Variants in FARS2 observed in about 807,000 individuals in gnomAD.
The protein encoded by FARS2 is phenylalanyl-tRNA synthetase 2, mitochondrial.
Under a neutral mutation model 46.4 loss-of-function variants are expected in FARS2, and 40 were observed. That is an observed-to-expected ratio of 0.86 (90% CI 0.67 to 1.12). The LOEUF (loss-of-function observed/expected upper bound fraction) is 1.12, where lower values mean the gene tolerates loss of function less well. Among genes scored for constraint, FARS2 ranks in the 50% most tolerant of loss-of-function variants. FARS2 has a pLI of 0.00. For synonymous variants in FARS2, 234 were observed against 214.9 expected (o/e 1.09, Z -0.78); for missense variants, 513 against 567.9 (o/e 0.90, Z 0.98).
chr6:5,331,115 A>G (rs1368263358), intron 1 of FARS2, among the ~76,000 whole-genome samples: 2 of 152,042 alleles, frequency 1.3e-5, no homozygotes, highest in East Asian at 1.9e-4. Flanking sequence ...AAAAAAAAAA[A>G]AAAAAAAGAT....
chr6:5,540,105 C>T (rs533985887), intron 4 of FARS2, among the ~76,000 whole-genome samples: 3 of 152,222 alleles, frequency 2.0e-5, no homozygotes, highest in South Asian at 4.1e-4. Flanking sequence ...GCAGTGCATG[C>T]GTGGGTCCGG....
chr6:5,686,932 T>G (rs1272330015), intron 6 of FARS2, among the ~76,000 whole-genome samples: 6 of 152,232 alleles, frequency 3.9e-5, no homozygotes, highest in Non-Finnish European at 7.3e-5. Context: ...TGGTTTTGAT[T>G]TGCATTTCTC....
chr6:5,571,622 G>T (rs1207535133), intron 5 of FARS2, among the ~76,000 whole-genome samples: 2 of 152,068 alleles, frequency 1.3e-5, no homozygotes, highest in Non-Finnish European at 2.9e-5. Context: ...CTAGCACCCG[G>T]CTGGGGTTCT....
intron 4 of FARS2, among the ~76,000 whole-genome samples, chr6:5,459,287 G>A (rs896671964): frequency 6.6e-6 from 1 of 152,090 alleles, no homozygotes; most frequent in African/African-American, 2.4e-5. Context: ...AAAAATGTTG[G>A]TATTTTCACA....
At chr6:5,434,618 A>T (rs748670513) in intron 4 of FARS2, among the ~76,000 whole-genome samples, 1 of 152,230 alleles carries the variant, frequency 6.6e-6, no homozygotes, top group Non-Finnish European at 1.5e-5. Context: ...AACCACAGAC[A>T]TTTGTAAGTG....
chr6:5,607,382 T>C (rs1413493874), intron 5 of FARS2, among the ~76,000 whole-genome samples: 1 of 151,442 alleles, frequency 6.6e-6, no homozygotes, highest in Admixed American at 6.6e-5. Flanking sequence ...GGGGAAAATA[T>C]TAGAATATTT....
At chr6:5,603,159 G>A (rs551033207) in intron 5 of FARS2, among the ~76,000 whole-genome samples, 4 of 152,210 alleles carry the variant, frequency 2.6e-5, no homozygotes, top group South Asian at 4.2e-4. Flanking sequence ...GCAGTGGTGC[G>A]ATCTCAGCTC....
chr6:5,686,209 AT>A (rs1161317532), intron 6 of FARS2, among the ~76,000 whole-genome samples: 60 of 123,720 alleles, frequency 4.8e-4, no homozygotes, highest in African/African-American at 1.8e-3. Context: ...ACTTTTTTTA[AT>A]TATTATTATA....
At chr6:5,489,290 C>G (rs906646407) in intron 4 of FARS2, among the ~76,000 whole-genome samples, 2 of 151,990 alleles carry the variant, frequency 1.3e-5, no homozygotes, top group African/African-American at 4.8e-5. Context: ...GCCGTCTCTG[C>G]TAAAAGTACA....
intron 4 of FARS2, among the ~76,000 whole-genome samples, chr6:5,477,786 A>G (rs1051058322): frequency 5.3e-5 from 8 of 152,230 alleles, no homozygotes; most frequent in African/African-American, 1.9e-4. Flanking sequence ...TGGGAGGCCA[A>G]GATGGGAGGA....
At position 5,350,305 on chromosome 6, in the gene FARS2, G is replaced by A. The variant is rs369415208; in HGVS notation, c.-21-18245G>A. Among the ~76,000 whole-genome samples, 57 of 151,838 alleles carry A rather than the reference G, an allele frequency of 3.8e-4. No individual in the cohort carries two copies. In the South Asian group the frequency reaches 9.4e-3, roughly 25 times the overall value. ...TTATAGGCATGAGCTACTGTGCCCA[G>A]CCCCAGCAAGATTTTTTTATACACA... is the stretch of plus-strand genomic sequence containing the variant. On this transcript the variant is annotated intron_variant, in intron 1 of 6. Coordinates refer to ENST00000274680, the MANE Select transcript of FARS2 (RefSeq NM_006567.5).
intron 6 of FARS2, among the ~76,000 whole-genome samples, chr6:5,751,723 T>C (rs187659813): frequency 3.3e-5 from 5 of 152,346 alleles, no homozygotes; most frequent in African/African-American, 1.2e-4. Context: ...TCTATGGCTC[T>C]GATTCCACAC....
rs139890540 is a variant in FARS2 at position 5,368,278 on chromosome 6, C to T, written c.-21-272C>T. On this transcript the variant is annotated intron_variant, in intron 1 of 6. Transcript: ENST00000274680. Reference sequence around the variant, plus strand: ...GTTCAGGACATGATAACATAATAAACGAGGTTTTCTACAAAGCCAAGGATC... The same window carrying T: ...GTTCAGGACATGATAACATAATAAATGAGGTTTTCTACAAAGCCAAGGATC... Among the ~76,000 whole-genome samples the T allele has an allele frequency of 3.9e-3, 595 of 152,198 alleles. 5 individuals are homozygous for T. The highest frequency in any genetic ancestry group is 0.014 in the African/African-American group (567 of 41,524).
chr6:5,519,704 C>T (rs541291495), intron 4 of FARS2, among the ~76,000 whole-genome samples: 1 of 152,238 alleles, frequency 6.6e-6, no homozygotes, highest in East Asian at 1.9e-4. Flanking sequence ...TGAGTCCAGT[C>T]CCCTGTGCGA....
intron 4 of FARS2, among the ~76,000 whole-genome samples, chr6:5,487,408 T>TCCTA (rs1280513941): frequency 8.5e-5 from 13 of 152,148 alleles, no homozygotes; most frequent in African/African-American, 2.9e-4. Context: ...GCACTACAAT[T>TCCTA]CCTAACATAT....
At chr6:5,458,595 T>C (rs868351925) in intron 4 of FARS2, among the ~76,000 whole-genome samples, 1 of 152,158 alleles carries the variant, frequency 6.6e-6, no homozygotes, top group Admixed American at 6.5e-5. Context: ...TGAGCAGTTA[T>C]ATAATCCACC....
At chr6:5,616,170 A>G (rs938930505) in intron 6 of FARS2, among the ~76,000 whole-genome samples, 1 of 152,054 alleles carries the variant, frequency 6.6e-6, no homozygotes, top group Admixed American at 6.6e-5. Flanking sequence ...GCCTTTAAAT[A>G]TATTTTGGAG....
chr6:5,454,217 A>T, intron 4 of FARS2, among the ~76,000 whole-genome samples: 1 of 142,736 alleles, frequency 7.0e-6, no homozygotes. Flanking sequence ...TTTTAGACCC[A>T]TGGACATGCC....
chr6:5,452,618 C>T (rs1488631026), intron 4 of FARS2: 1 of 152,268 alleles, frequency 6.6e-6, no homozygotes, highest in Non-Finnish European at 1.5e-5. Context: ...CACACCTAAC[C>T]TTTAGTGGGT....
Sources: gnomAD v4.1 joint callset for allele counts (sites outside exome capture counted in the v4.1 genomes callset) on GRCh38, gnomAD v4.1.1 for gene constraint, MANE v1.5 for transcripts, NCBI Gene and HGNC (gene_info 2026-07-23, HGNC 2026-07-21) for gene names.